Variants in ITGB6 observed in about 807,000 individuals in gnomAD.
ITGB6 encodes integrin subunit beta 6, also known as integrin beta-6.
ITGB6 carries 80 observed loss-of-function variants against 84.5 expected under a neutral mutation model. The ratio of observed to expected loss-of-function variants is 0.95; its 90% CI spans 0.79 to 1.14. The LOEUF is 1.14. Among genes scored for constraint, ITGB6 ranks in the 50% most tolerant of loss-of-function variants. ITGB6 has a pLI of 0.00. For missense variants in ITGB6, 1,006 were observed against 968.0 expected, an observed-to-expected ratio of 1.04 and a Z score of -0.52; for synonymous variants, 383 against 354.9, an observed-to-expected ratio of 1.08 and a Z score of -0.89.
At chr2:160,102,012 G>A (rs1489734393) in intron 14 of ITGB6, among the ~76,000 whole-genome samples, 178 bp from the exon 15 acceptor site, 2 of 152,086 alleles carry the variant, frequency 1.3e-5, no homozygotes, top group Middle Eastern at 3.2e-3. Flanking sequence ...TTTTCATTTT[G>A]TTAAATATAC....
At chr2:160,153,802 C>G (rs188067823) in intron 7 of ITGB6, among the ~76,000 whole-genome samples, 75 of 152,260 alleles carry the variant, frequency 4.9e-4, no homozygotes, top group Non-Finnish European at 9.8e-4. Flanking sequence ...CAAAAGAAGA[C>G]ATTTATGCAG....
intron 7 of ITGB6, among the ~76,000 whole-genome samples, chr2:160,148,770 T>C (rs1473038237): frequency 1.3e-5 from 2 of 152,232 alleles, no homozygotes; most frequent in Non-Finnish European, 2.9e-5. Flanking sequence ...CCCAAGGTCT[T>C]AGCAACTGGC....
At position 160,137,851 on chromosome 2, in the gene ITGB6, C is replaced by A. The variant is rs756971112; in HGVS notation, c.1243G>T (p.Ala415Ser). 9 of 1,611,996 alleles carry A rather than the reference C, an allele frequency of 5.6e-6. No homozygotes were observed. The East Asian group carries it at 2.0e-4, about 36-fold the overall frequency. Residue 415 changes from alanine to serine, a missense_variant and splice_region_variant, in exon 10 of 15, where the codon GCT (alanine) becomes TCT (serine). Coordinates refer to ENST00000283249, the MANE Select transcript of ITGB6 (RefSeq NM_000888.5). ...ATATTCACAGTCACGCTGAAGGAAG[C>A]CTGGAAAAGAAAATACTAATTATCT... The part of the protein sequence containing the change: ...KCSHMKVGDT[A>S]SFSVTVNIPH...
At chr2:160,114,586 G>C (rs1466465159) in intron 12 of ITGB6, among the ~76,000 whole-genome samples, 1 of 152,214 alleles carries the variant, frequency 6.6e-6, no homozygotes, top group East Asian at 1.9e-4. Context: ...CAACGCAGAA[G>C]ATGGGTGATT....
chr2:160,113,204 T>C (rs942939450), intron 12 of ITGB6, among the ~76,000 whole-genome samples: 3 of 152,216 alleles, frequency 2.0e-5, no homozygotes, highest in Non-Finnish European at 4.4e-5. Context: ...CCTGATAATC[T>C]TGGACATACT....
intron 12 of ITGB6, among the ~76,000 whole-genome samples, chr2:160,118,068 C>T (rs1467457005): frequency 2.6e-5 from 4 of 152,224 alleles, no homozygotes; most frequent in East Asian, 1.9e-4. Context: ...GATTCACAGC[C>T]GAATTCTACC....
intron 6 of ITGB6, among the ~76,000 whole-genome samples, chr2:160,172,049 T>C (rs1281299801): frequency 6.6e-6 from 1 of 152,252 alleles, no homozygotes; most frequent in African/African-American, 2.4e-5. Context: ...CTGAAATTTT[T>C]TCCTGGTTTT....
At chr2:160,141,908 A>T in intron 8 of ITGB6, 74 bp downstream of exon 8, 1 of 921,002 alleles carries the variant, frequency 1.1e-6, no homozygotes, top group Non-Finnish European at 1.7e-6. Context: ...ACTAACATTT[A>T]ACTGCCTAAA....
chr2:160,108,606 A>G (rs1697002695), intron 13 of ITGB6, among the ~76,000 whole-genome samples: 1 of 152,134 alleles, frequency 6.6e-6, no homozygotes, highest in Non-Finnish European at 1.5e-5. Flanking sequence ...AATAAGCTGA[A>G]CTGTTCTTGC....
intron 1 of ITGB6, 104 bp downstream of exon 1, chr2:160,199,899 G>A: frequency 1.1e-6 from 1 of 880,064 alleles, no homozygotes; most frequent in East Asian, 2.5e-5. Flanking sequence ...AAAGAGCAAT[G>A]GAACAGATCA....
rs1267359405 is a variant in ITGB6, at chr2:160,173,910, T to C, written c.759+64A>G. 2.9e-6 allele frequency: 4 copies of C among 1,363,212 alleles called. No individual in the cohort carries two copies. In the East Asian group the frequency reaches 1.0e-4, roughly 34 times the overall value. 84.4% of individuals were successfully genotyped at this position (1,363,212 alleles called of 1,614,324 possible). On this transcript the variant is annotated intron_variant, in intron 5 of 14. Transcript: ENST00000283249. Reference sequence around the variant, plus strand: ...AGGAAATTAGCTAATCTTTTTGAAGTAGAATTATTAATAAGAGATGAATTT... The same window carrying C: ...AGGAAATTAGCTAATCTTTTTGAAGCAGAATTATTAATAAGAGATGAATTT...
chr2:160,153,679 A>G (rs1164030081), intron 7 of ITGB6, among the ~76,000 whole-genome samples: 2 of 152,194 alleles, frequency 1.3e-5, no homozygotes, highest in Non-Finnish European at 2.9e-5. Context: ...AAATTTTTGC[A>G]ACCTACTCAT....
chr2:160,197,778 A>C (rs1447489194), intron 2 of ITGB6, among the ~76,000 whole-genome samples: 1 of 152,256 alleles, frequency 6.6e-6, no homozygotes, highest in Non-Finnish European at 1.5e-5. Flanking sequence ...TTCTCAACAC[A>C]GTGTCATTGC....
At chr2:160,143,011 G>T (rs1175221836) in intron 7 of ITGB6, among the ~76,000 whole-genome samples, 1 of 152,232 alleles carries the variant, frequency 6.6e-6, no homozygotes, top group Non-Finnish European at 1.5e-5. Flanking sequence ...AGTTTTGCCA[G>T]GAATGCTGGC....
chr2:160,175,191 T>G (rs1456745730), intron 4 of ITGB6, among the ~76,000 whole-genome samples: 4 of 152,252 alleles, frequency 2.6e-5, no homozygotes, highest in Non-Finnish European at 5.9e-5. Flanking sequence ...TAGCTTACTT[T>G]GTCAGCACGA....
chr2:160,146,458 T>C (rs1371069653), intron 7 of ITGB6, among the ~76,000 whole-genome samples: 1 of 152,188 alleles, frequency 6.6e-6, no homozygotes. Flanking sequence ...TATTATATTA[T>C]TAACCAACAT....
Position 160,137,476 on chromosome 2 carries a change from C to G in ITGB6, c.1618G>C (p.Asp540His). ...TTGTGTCTCACGCAGGAGAAATTGT[C>G]ACACTGGCAATAAGGCCCATAAATG... is the stretch of plus-strand genomic sequence containing the variant. ...GNIYGPYCQCDNFSCVRHKGL... is the reference protein window; with the variant it reads ...GNIYGPYCQCHNFSCVRHKGL... Residue 540 changes from aspartate (D) to histidine (H), a missense_variant, in exon 10 of 15, where the codon GAC becomes CAC. By Grantham distance (81) the Asp-to-His change is moderately conservative. Transcript: ENST00000283249. 6.2e-7 allele frequency: 1 copy of G among 1,613,328 alleles called. No individual in the cohort carries two copies. Among genetic ancestry groups the G allele is most frequent in the Non-Finnish European group, 8.5e-7 (1 of 1,179,356 alleles).
At chr2:160,167,781 C>T (rs1449070671) in intron 7 of ITGB6, among the ~76,000 whole-genome samples, 2 of 152,112 alleles carry the variant, frequency 1.3e-5, no homozygotes, top group Admixed American at 6.6e-5. Flanking sequence ...AAGACTATTA[C>T]CAAAGTGAGT....
chr2:160,135,867 C>T (rs1453074623), intron 10 of ITGB6, among the ~76,000 whole-genome samples: 5 of 152,168 alleles, frequency 3.3e-5, no homozygotes, highest in African/African-American at 4.8e-5. Context: ...AAAGCTGAAA[C>T]TGGATCCCTT....
Sources: gnomAD v4.1 joint callset for allele counts (sites outside exome capture counted in the v4.1 genomes callset) on GRCh38, gnomAD v4.1.1 for gene constraint, MANE v1.5 for transcripts, NCBI Gene and HGNC (gene_info 2026-07-23, HGNC 2026-07-21) for gene names.